C4orf36: variants seen among roughly 807,000 people sequenced by gnomAD.
C4orf36 encodes chromosome 4 open reading frame 36.
A neutral mutation model predicts 12.2 loss-of-function variants in C4orf36; 11 were observed. That is an observed-to-expected ratio of 0.90 (90% confidence interval 0.57 to 1.49). C4orf36 has a LOEUF of 1.49. Ranked by LOEUF, C4orf36 falls within the 40% of genes most tolerant of loss-of-function variation. The pLI is 0.00. For synonymous variants in C4orf36, 54 were observed against 51.3 expected (o/e 1.05, Z -0.22); for missense variants, 137 against 133.9 (o/e 1.02, Z -0.11).
At chr4:86,884,899 C>T (rs1747138729) in intron 4 of C4orf36, among the ~76,000 whole-genome samples, 1 of 152,148 alleles carries the variant, frequency 6.6e-6, no homozygotes, top group African/African-American at 2.4e-5. Context: ...AGGAAGGGAT[C>T]CAGTTTCAGC....
chr4:86,931,680 T>A, the C4orf36 span, among the ~76,000 whole-genome samples: 1 of 152,206 alleles, frequency 6.6e-6, no homozygotes, highest in Admixed American at 6.5e-5. Context: ...ATTCTGAACG[T>A]GATCACAGTG....
chr4:86,876,786 TAAAAA>T, intron 4 of C4orf36: 1 of 1,357,376 alleles, frequency 7.4e-7, no homozygotes, highest in Non-Finnish European at 9.8e-7. Flanking sequence ...AATTTTAAAA[TAAAAA>T]AAAAGAGATT....
the C4orf36 span, chr4:86,935,591 C>T: frequency 6.6e-6 from 1 of 152,058 alleles, no homozygotes. Flanking sequence ...TTGTTGGGAC[C>T]TGCTACTTGA....
the C4orf36 span, among the ~76,000 whole-genome samples, chr4:86,924,132 C>T: frequency 8.1e-4 from 123 of 152,232 alleles, no homozygotes; most frequent in Middle Eastern, 3.4e-3. Context: ...CCTCAACTTC[C>T]CAGGTCCAAG....
the C4orf36 span, among the ~76,000 whole-genome samples, chr4:86,931,484 G>T: frequency 6.6e-6 from 1 of 151,852 alleles, no homozygotes; most frequent in African/African-American, 2.4e-5. Flanking sequence ...ACGCATCCTC[G>T]ACCTCCAGGG....
At chr4:86,903,537 T>C in the C4orf36 span, among the ~76,000 whole-genome samples, 1 of 152,072 alleles carries the variant, frequency 6.6e-6, no homozygotes, top group African/African-American at 2.4e-5. Flanking sequence ...GCTTCAGGAG[T>C]GAAGCTGCAG....
chr4:86,934,231 T>C, the C4orf36 span, among the ~76,000 whole-genome samples: 3 of 152,200 alleles, frequency 2.0e-5, no homozygotes, highest in African/African-American at 7.2e-5. Flanking sequence ...TCTGCGTCCC[T>C]TTCAGGAAGG....
the C4orf36 span, among the ~76,000 whole-genome samples, chr4:86,930,246 A>G: frequency 1.3e-5 from 2 of 152,238 alleles, no homozygotes; most frequent in African/African-American, 4.8e-5. Context: ...TCCTCCAGAT[A>G]TAACTGTCAG....
chr4:86,917,674 GT>G, the C4orf36 span, among the ~76,000 whole-genome samples: 3 of 152,232 alleles, frequency 2.0e-5, no homozygotes, highest in East Asian at 5.8e-4. Context: ...ATTTAGTCAT[GT>G]ATCACATAAA....
the C4orf36 span, among the ~76,000 whole-genome samples, chr4:86,907,490 C>A: frequency 6.6e-6 from 1 of 152,094 alleles, no homozygotes; most frequent in Non-Finnish European, 1.5e-5. Flanking sequence ...CACATGAACC[C>A]CTGAACTTAA....
the C4orf36 span, among the ~76,000 whole-genome samples, chr4:86,933,912 T>G: frequency 6.6e-6 from 1 of 152,224 alleles, no homozygotes; most frequent in Admixed American, 6.5e-5. Context: ...AGTTATATTT[T>G]GGAAAACAAT....
chr4:86,905,017 C>T, the C4orf36 span, among the ~76,000 whole-genome samples: 1 of 152,086 alleles, frequency 6.6e-6, no homozygotes, highest in African/African-American at 2.4e-5. Context: ...GGGCGGATGG[C>T]TTGAGCCCAG....
the C4orf36 span, chr4:86,925,084 G>A: frequency 1.3e-5 from 2 of 152,172 alleles, no homozygotes; most frequent in Non-Finnish European, 2.9e-5. Context: ...GGACAAACCA[G>A]GAAGATGGTG....
At chr4:86,914,074 G>A in the C4orf36 span, 1 of 1,610,054 alleles carries the variant, frequency 6.2e-7, no homozygotes, top group Non-Finnish European at 8.5e-7. Flanking sequence ...GAGCGAATTG[G>A]CTTTTTAATG....
the C4orf36 span, among the ~76,000 whole-genome samples, chr4:86,921,300 C>T: frequency 2.8e-5 from 3 of 105,616 alleles, no homozygotes; most frequent in Non-Finnish European, 6.3e-5. Flanking sequence ...AAGACTCAGA[C>T]AATTTAGAAA....
At chr4:86,922,948 C>T in the C4orf36 span, among the ~76,000 whole-genome samples, 1 of 148,084 alleles carries the variant, frequency 6.8e-6, no homozygotes, top group Non-Finnish European at 1.5e-5. Context: ...TCTTCTTCTT[C>T]CTTTTTTTTT....
the C4orf36 span, among the ~76,000 whole-genome samples, chr4:86,899,861 G>C: frequency 1.3e-5 from 2 of 152,112 alleles, no homozygotes; most frequent in African/African-American, 4.8e-5. Flanking sequence ...AACTGGACAT[G>C]TTCAGAATAA....
chr4:86,887,986 C>A (rs893644710), intron 3 of C4orf36, 93 bp from the exon 4 acceptor site: 3 of 1,554,734 alleles, frequency 1.9e-6, no homozygotes, highest in Non-Finnish European at 2.6e-6. Context: ...AATCCATATG[C>A]CTGAATAATA....
the C4orf36 span, chr4:86,934,785 C>T: frequency 6.6e-6 from 1 of 152,272 alleles, no homozygotes; most frequent in African/African-American, 2.4e-5. Flanking sequence ...CCCTCGCGAC[C>T]GGGGCGGTCA....
Sources: gnomAD v4.1 joint callset for allele counts (sites outside exome capture counted in the v4.1 genomes callset) on GRCh38, gnomAD v4.1.1 for gene constraint, MANE v1.5 for transcripts, NCBI Gene and HGNC (gene_info 2026-07-23, HGNC 2026-07-21) for gene names.